Variants in EXOC6 observed in about 807,000 individuals in gnomAD.
EXOC6 encodes SEC15-like 1.
In EXOC6, 60 loss-of-function variants were observed where a neutral mutation model predicts 112.5. That is an observed-to-expected ratio of 0.53 (90% CI 0.43 to 0.66). The LOEUF is 0.66. Among genes scored for constraint, EXOC6 ranks in the 30% least tolerant of loss-of-function variants. EXOC6 has a pLI of 0.00. For synonymous variants in EXOC6, 295 were observed against 308.0 expected (o/e 0.96, Z 0.44); for missense variants, 855 against 957.1 (o/e 0.89, Z 1.41).
upstream of EXOC6, among the ~76,000 whole-genome samples, chr10:92,847,258 CT>C (rs1847083238): frequency 6.6e-6 from 1 of 152,242 alleles, no homozygotes; most frequent in Non-Finnish European, 1.5e-5. Context: ...GAGGCAGACA[CT>C]GCCATTGTCA....
upstream of EXOC6, among the ~76,000 whole-genome samples, chr10:92,830,612 T>C (rs945227107): frequency 1.3e-5 from 2 of 152,064 alleles, no homozygotes; most frequent in Non-Finnish European, 2.9e-5. Context: ...GCATTGTAGG[T>C]TGTTTAGCAG....
chr10:92,954,423 A>G (rs1853581219), intron 15 of EXOC6, among the ~76,000 whole-genome samples: 2 of 152,212 alleles, frequency 1.3e-5, no homozygotes, highest in Non-Finnish European at 1.5e-5. Context: ...TATGCCATAT[A>G]TGAATATTCT....
chr10:92,828,651 T>A (rs1019344560), intron 1 of EXOC6, among the ~76,000 whole-genome samples: 2 of 143,938 alleles, frequency 1.4e-5, no homozygotes, highest in African/African-American at 2.5e-5. Flanking sequence ...TTTTTTTTTT[T>A]AATAGACTTC....
At chr10:92,875,780 T>C (rs892360102) in intron 1 of EXOC6, among the ~76,000 whole-genome samples, 3 of 152,154 alleles carry the variant, frequency 2.0e-5, no homozygotes, top group Non-Finnish European at 2.9e-5. Context: ...AGCAAAGTTA[T>C]GTTATTCAAC....
intron 4 of EXOC6, among the ~76,000 whole-genome samples, chr10:92,897,089 T>A (rs1332334404): frequency 6.6e-6 from 1 of 152,176 alleles, no homozygotes; most frequent in Admixed American, 6.5e-5. Flanking sequence ...TCCTCTAAGT[T>A]TGAATGTTTT....
At chr10:92,951,556 T>C (rs1488227198) in intron 14 of EXOC6, among the ~76,000 whole-genome samples, 3 of 152,176 alleles carry the variant, frequency 2.0e-5, no homozygotes, top group Non-Finnish European at 4.4e-5. Flanking sequence ...GTGATGGTAC[T>C]TTCACCGATA....
chr10:92,864,531 G>A (rs1015586047), intron 1 of EXOC6, among the ~76,000 whole-genome samples: 1 of 152,164 alleles, frequency 6.6e-6, no homozygotes, highest in Non-Finnish European at 1.5e-5. Context: ...GATAGCTGGT[G>A]AAACATTATT....
chr10:92,944,651 T>C (rs376769210), intron 13 of EXOC6, among the ~76,000 whole-genome samples: 1 of 152,198 alleles, frequency 6.6e-6, no homozygotes, highest in Non-Finnish European at 1.5e-5. Context: ...ATAATGGATA[T>C]ATTAATTTAC....
At chr10:92,999,934 C>T (rs1215142553) in intron 19 of EXOC6, among the ~76,000 whole-genome samples, 1 of 152,120 alleles carries the variant, frequency 6.6e-6, no homozygotes, top group Non-Finnish European at 1.5e-5. Flanking sequence ...AAACTCCTAA[C>T]CTCAGGTGAT....
At chr10:92,980,131 G>A (rs776667110) in intron 18 of EXOC6, among the ~76,000 whole-genome samples, 4 of 152,226 alleles carry the variant, frequency 2.6e-5, no homozygotes, top group Middle Eastern at 3.4e-3. Context: ...GCAAATTCAC[G>A]TGAGGAATGT....
At chr10:93,019,009 A>G (rs1844663781) in intron 20 of EXOC6, among the ~76,000 whole-genome samples, 2 of 152,104 alleles carry the variant, frequency 1.3e-5, no homozygotes. Context: ...CCCAACATCA[A>G]GCAAAACAAG....
chr10:93,035,811 T>G (rs1845490472), intron 20 of EXOC6, among the ~76,000 whole-genome samples: 1 of 152,114 alleles, frequency 6.6e-6, no homozygotes, highest in African/African-American at 2.4e-5. Context: ...GCCAAGATCT[T>G]GCCACTGCAC....
chr10:92,928,719 G>T (rs1851858532), intron 9 of EXOC6, among the ~76,000 whole-genome samples: 1 of 150,110 alleles, frequency 6.7e-6, no homozygotes, highest in South Asian at 2.1e-4. Flanking sequence ...CAACATAGTG[G>T]ATTATGTATC....
upstream of EXOC6, among the ~76,000 whole-genome samples, chr10:92,847,337 A>C (rs1847086328): frequency 6.6e-6 from 1 of 152,250 alleles, no homozygotes; most frequent in Admixed American, 6.5e-5. Context: ...CTGTCAAGTG[A>C]TATTAATCCA....
Position 92,966,852 on chromosome 10 carries a change from C to A in EXOC6, c.1774-7201C>A, listed in dbSNP as rs1467921267. Among the ~76,000 whole-genome samples, 24 of 146,888 alleles carry A rather than the reference C, an allele frequency of 1.6e-4. No homozygotes were observed. In the South Asian group the frequency reaches 3.0e-3, roughly 18 times the overall value. ...TGGTATTTCTAGTTCTAGATCCCTGCGGAATCGCCACACTGACTTCCACAA... is the reference window on the plus strand; with the variant it reads ...TGGTATTTCTAGTTCTAGATCCCTGAGGAATCGCCACACTGACTTCCACAA... On this transcript the variant is annotated intron_variant, in intron 17 of 21. Coordinates refer to ENST00000260762, the MANE Select transcript of EXOC6 (RefSeq NM_019053.6).
intron 5 of EXOC6, among the ~76,000 whole-genome samples, chr10:92,902,125 C>T (rs1850210142): frequency 2.0e-5 from 3 of 151,936 alleles, no homozygotes; most frequent in Admixed American, 2.0e-4. Flanking sequence ...TAGTTTGTGA[C>T]CTACCTTTTC....
At chr10:92,885,287 C>G (rs981715247) in intron 1 of EXOC6, among the ~76,000 whole-genome samples, 1 of 151,800 alleles carries the variant, frequency 6.6e-6, no homozygotes, top group South Asian at 2.1e-4. Flanking sequence ...TATTTTTATA[C>G]ATTCCGAGTT....
chr10:92,827,383 A>T lies in EXOC6; in HGVS notation c.-27+439A>T, dbSNP rs560606964. On this transcript the variant is annotated intron_variant, in intron 1 of 22. Coordinates refer to the EXOC6 transcript ENST00000671701. ...CAGCTACTCAGGAGGCTAAGGTGGG[A>T]GGATGGCTTGAGCCCAGGAGGCGGA... Among the ~76,000 whole-genome samples the T allele has an allele frequency of 1.8e-4, 25 of 138,680 alleles. No individual in the cohort carries two copies. In the East Asian group the frequency reaches 5.7e-3, roughly 32 times the overall value. The allele number at this position is 138,680 out of a possible 152,430, so 91.0% of individuals were successfully genotyped here. A position where few individuals can be genotyped will look rare whatever the true frequency, so the allele number is the denominator to read the frequency against.
intron 17 of EXOC6, among the ~76,000 whole-genome samples, chr10:92,965,061 A>G (rs1841990037): frequency 1.3e-5 from 2 of 152,202 alleles, no homozygotes; most frequent in Non-Finnish European, 2.9e-5. Context: ...CCTTGGAGCT[A>G]GGTATCAGTT....
Sources: allele counts gnomAD v4.1 joint callset (sites outside exome capture counted in the v4.1 genomes callset), GRCh38; gene constraint gnomAD v4.1.1; transcripts MANE v1.5; gene names NCBI Gene and HGNC (gene_info 2026-07-23, HGNC 2026-07-21).